Variants in LRCH3 observed in about 807,000 individuals in gnomAD.
LRCH3 encodes DISP complex protein LRCH3.
In LRCH3, 68 loss-of-function variants were observed where a neutral mutation model predicts 104.5. The observed-to-expected ratio is 0.65, with a 90% confidence interval of 0.54 to 0.80. LRCH3 has a LOEUF of 0.80. LRCH3 is among the 30% of genes least tolerant of loss of function. LRCH3 has a pLI of 0.00. For synonymous variants in LRCH3, 344 were observed against 361.3 expected, an observed-to-expected ratio of 0.95 and a Z score of 0.54; for missense variants, 951 against 953.9, an observed-to-expected ratio of 1.00 and a Z score of 0.04.
chr3:197,829,591 T>C lies in LRCH3; in HGVS notation c.805T>C (p.Phe269Leu), dbSNP rs750632655. Residue 269 changes from phenylalanine (F) to leucine (L), a missense_variant, in exon 6 of 21, where the codon TTT becomes CTT. Physicochemically the swap from Phe to Leu is conservative, Grantham distance 22 (BLOSUM62 0). Transcript: ENST00000425562. ...ATGTATAAAAGGCAAAGTCCACATA[T>C]TTAAATACCTGAACATACAAGCTTG... ...QICIKGKVHI[F>L]KYLNIQACKI... 6.2e-7 allele frequency: 1 copy of C among 1,611,814 alleles called. No homozygotes were observed. Among genetic ancestry groups the C allele is most frequent in the Non-Finnish European group, 8.5e-7 (1 of 1,179,474 alleles).
At chr3:197,847,665 T>C (rs1738931896) in intron 11 of LRCH3, among the ~76,000 whole-genome samples, 1 of 128 alleles carries the variant, frequency 7.8e-3, no homozygotes, top group African/African-American at 0.036. Context: ...GATGGCTTTA[T>C]AGTATTAGTT....
intron 12 of LRCH3, among the ~76,000 whole-genome samples, chr3:197,848,793 T>C (rs1173834718): frequency 2.0e-5 from 3 of 152,264 alleles, no homozygotes; most frequent in Non-Finnish European, 4.4e-5. Flanking sequence ...CTGTATTTCA[T>C]ACTTTAACTA....
At chr3:197,882,285 T>C in intron 20 of LRCH3, 1 of 985,408 alleles carries the variant, frequency 1.0e-6, no homozygotes, top group African/African-American at 1.7e-5. Flanking sequence ...AGCAAAACAC[T>C]GGGCAGGTTC....
At chr3:197,853,910 G>T (rs1739942336) in intron 13 of LRCH3, among the ~76,000 whole-genome samples, 1 of 152,116 alleles carries the variant, frequency 6.6e-6, no homozygotes, top group Non-Finnish European at 1.5e-5. Flanking sequence ...CCTTCTTGAT[G>T]ATTGTTTTCA....
Position 197,883,259 on chromosome 3 carries a change from A to C in LRCH3, c.2209-282A>C. The C allele has an allele frequency of 9.0e-7, 1 of 1,108,258 alleles. No individual in the cohort carries two copies. The highest frequency in any genetic ancestry group is 1.1e-6 in the Non-Finnish European group (1 of 907,400). 68.7% of individuals were successfully genotyped at this position (1,108,258 alleles called of 1,614,324 possible). A position where few individuals can be genotyped will look rare whatever the true frequency, so the allele number is the denominator to read the frequency against. The stretch of plus-strand genomic sequence containing the variant: ...AAGGATGTTGCTTTCACCCTGCGGT[A>C]TTGTTTTCCCTCTGTTGTATGTATA... On this transcript the variant is annotated intron_variant, in intron 20 of 20. Coordinates refer to ENST00000425562, the MANE Select transcript of LRCH3 (RefSeq NM_001365715.1). The surrounding 1 kb of genome is among the most constrained non-coding windows in gnomAD (Gnocchi z 4.2).
At chr3:197,871,528 A>G (rs1712192193) in intron 19 of LRCH3, 66 bp downstream of exon 19, 2 of 1,592,650 alleles carry the variant, frequency 1.3e-6, no homozygotes, top group African/African-American at 2.7e-5. Context: ...GTGGACAGAC[A>G]TTTCTTAAGC....
At chr3:197,822,235 TC>T (rs1734576515) in intron 4 of LRCH3, among the ~76,000 whole-genome samples, 1 of 152,146 alleles carries the variant, frequency 6.6e-6, no homozygotes, top group Admixed American at 6.6e-5. Flanking sequence ...TTCCTTATTT[TC>T]TCCTGGTTCT....
intron 19 of LRCH3, among the ~76,000 whole-genome samples, chr3:197,875,205 A>G (rs1712737054): frequency 6.6e-6 from 1 of 152,068 alleles, no homozygotes; most frequent in Non-Finnish European, 1.5e-5. Flanking sequence ...TGCTGGGATT[A>G]TGGCGTGAGC....
intron 19 of LRCH3, among the ~76,000 whole-genome samples, chr3:197,872,083 C>A (rs550513832): frequency 6.6e-6 from 1 of 152,216 alleles, no homozygotes; most frequent in Admixed American, 6.5e-5. Context: ...CTAGGCTGGG[C>A]GCGGTGGCTC....
At chr3:197,829,076 A>G (rs1398766864) in intron 5 of LRCH3, among the ~76,000 whole-genome samples, 1 of 152,218 alleles carries the variant, frequency 6.6e-6, no homozygotes, top group African/African-American at 2.4e-5. Context: ...GAAGGGTCTT[A>G]TAAGCCTCAA....
chr3:197,864,027 C>T lies in LRCH3; in HGVS notation c.1717-1396C>T, dbSNP rs563610636. Among the ~76,000 whole-genome samples, 139 of 152,150 alleles carry T rather than the reference C, an allele frequency of 9.1e-4. 1 individual carries two copies. The highest frequency in any genetic ancestry group is 3.1e-3 in the African/African-American group (127 of 41,506). On this transcript the variant is annotated intron_variant, in intron 15 of 20. Transcript: ENST00000425562. ...TGTCTTTATATAAACACAACTAGGCCGGGCGTGGTGGCTCATGCCTATAAT... is the reference window on the plus strand; with the variant it reads ...TGTCTTTATATAAACACAACTAGGCTGGGCGTGGTGGCTCATGCCTATAAT...
chr3:197,886,978 G>GTA lies in LRCH3; in HGVS notation c.*3314_*3315dup. ...GCACATATTATGAAACCTTATTAAT[G>GTA]TATTTTTATCAAACTAAATCAGATT... On this transcript the variant is annotated 3_prime_UTR_variant, in exon 21 of 21. Coordinates refer to ENST00000425562, the MANE Select transcript of LRCH3 (RefSeq NM_001365715.1). 1 of 152,186 alleles carries GTA rather than the reference G, an allele frequency of 6.6e-6. No individual in the cohort carries two copies. Among genetic ancestry groups the GTA allele is most frequent in the South Asian group, 2.1e-4 (1 of 4,824 alleles). The allele number at this position is 152,186 out of a possible 1,614,324, so 9.4% of individuals were successfully genotyped here.
At chr3:197,866,021 T>C in intron 16 of LRCH3, 91 bp from the exon 17 acceptor site, 10 of 920,572 alleles carry the variant, frequency 1.1e-5, no homozygotes, top group Non-Finnish European at 1.7e-5. Flanking sequence ...CATTGCCATG[T>C]TTATTTTTTA....
chr3:197,871,567 T>C (rs923659394), intron 19 of LRCH3, 105 bp downstream of exon 19: 2 of 1,474,562 alleles, frequency 1.4e-6, no homozygotes, highest in East Asian at 2.3e-5. Flanking sequence ...GATACAGATA[T>C]AAAGAGTCCA....
At chr3:197,835,037 G>C (rs1335852208) in intron 8 of LRCH3, among the ~76,000 whole-genome samples, 2 of 152,050 alleles carry the variant, frequency 1.3e-5, no homozygotes, top group Non-Finnish European at 2.9e-5. Context: ...CCAGCTACTT[G>C]GGAGGCTGAG....
intron 10 of LRCH3, among the ~76,000 whole-genome samples, chr3:197,846,722 C>T (rs923146173): frequency 4.6e-5 from 7 of 152,016 alleles, no homozygotes; most frequent in Non-Finnish European, 5.9e-5. Context: ...AGGCCACGTC[C>T]TAAACGTCAG....
intron 1 of LRCH3, among the ~76,000 whole-genome samples, chr3:197,804,517 C>T (rs1996119): frequency 0.026 from 3,913 of 152,230 alleles, 78 homozygotes; most frequent in East Asian, 0.053. Context: ...GAAATCCCAT[C>T]GTGTATCCAG....
intron 8 of LRCH3, 22 bp from the exon 9 acceptor site, chr3:197,835,652 G>GGGT (rs2109312503): frequency 6.4e-7 from 1 of 1,574,702 alleles, no homozygotes; most frequent in African/African-American, 1.4e-5. Context: ...TGTGTGTGTG[G>GGGT]GTGTGTGTGT....
chr3:197,859,451 GTA>G (rs1740634746), intron 15 of LRCH3: 1 of 153,058 alleles, frequency 6.5e-6, no homozygotes, highest in African/African-American at 2.4e-5. Flanking sequence ...CCTAAAATAT[GTA>G]CAGTCTGGCC....
Sources: allele counts gnomAD v4.1 joint callset (sites outside exome capture counted in the v4.1 genomes callset), GRCh38; gene constraint gnomAD v4.1.1; non-coding constraint Gnocchi (gnomAD v3.1); transcripts MANE v1.5; gene names NCBI Gene and HGNC (gene_info 2026-07-23, HGNC 2026-07-21).